The following CFAP61 variants were observed in gnomAD, a reference collection of about 807,000 sequenced individuals.
CFAP61 encodes the protein cilia and flagella associated protein 61, also known as cilia- and flagella-associated protein 61.
CFAP61 carries 107 observed loss-of-function variants against 135.6 expected under a neutral mutation model. The ratio of observed to expected loss-of-function variants is 0.79; its 90% CI spans 0.67 to 0.93. CFAP61 has a LOEUF of 0.93. Ranked by LOEUF, CFAP61 falls within the 40% of genes least tolerant of loss-of-function variation. The pLI is 0.00. For synonymous variants in CFAP61, 575 were observed against 578.5 expected, an observed-to-expected ratio of 0.99 and a Z score of 0.09; for missense variants, 1,507 against 1,556.2, an observed-to-expected ratio of 0.97 and a Z score of 0.53.
intron 8 of CFAP61, among the ~76,000 whole-genome samples, chr20:20,116,442 C>T (rs186840537): frequency 2.0e-4 from 30 of 152,212 alleles, no homozygotes; most frequent in Non-Finnish European, 2.9e-4. Context: ...GACGTAATGC[C>T]GCTTTTGTCT....
rs570676373 is a variant in CFAP61 at position 20,092,647 on chromosome 20, C to G, written c.699+1671C>G. On this transcript the variant is annotated intron_variant, in intron 7 of 26. Transcript: ENST00000245957. Reference sequence around the variant, plus strand: ...CTCTCACAACAATAGAAAAATAATCCACATAAAATGTGGGCAAATGATTCG... The same window carrying G: ...CTCTCACAACAATAGAAAAATAATCGACATAAAATGTGGGCAAATGATTCG... Among the ~76,000 whole-genome samples the G allele has an allele frequency of 4.7e-3, 705 of 151,428 alleles. 4 individuals are homozygous for G. The highest frequency in any genetic ancestry group is 0.016 in the African/African-American group (675 of 41,214).
intron 26 of CFAP61, among the ~76,000 whole-genome samples, 164 bp downstream of exon 26, chr20:20,342,085 G>A (rs886954470): frequency 6.6e-6 from 1 of 152,192 alleles, no homozygotes; most frequent in Non-Finnish European, 1.5e-5. Context: ...TGCAGACTGT[G>A]TTATTTCAGG....
chr20:20,288,719 C>G lies in CFAP61; in HGVS notation c.2907C>G (p.Thr969=). ...SRLVIDTNFH[T]NDIAIRAAGS... is the part of the protein sequence containing the mutation. Reference sequence around the variant, plus strand: ...TTGTGATTGATACCAACTTCCACACCAACGACATAGCCATCAGAGCTGCTG... The same window carrying G: ...TTGTGATTGATACCAACTTCCACACGAACGACATAGCCATCAGAGCTGCTG... Residue 969 remains threonine, a synonymous_variant, in exon 23 of 27, where the codon ACC becomes ACG. Coordinates refer to ENST00000245957, the MANE Select transcript of CFAP61 (RefSeq NM_015585.4). The G allele has an allele frequency of 3.7e-6, 6 of 1,614,070 alleles. No individual in the cohort carries two copies. Among genetic ancestry groups the G allele is most frequent in the Non-Finnish European group, 5.1e-6 (6 of 1,179,942 alleles).
rs1214170582 is a variant in CFAP61 at position 20,052,769 on chromosome 20, G to A, written c.-37+178G>A. The stretch of plus-strand genomic sequence containing the variant: ...GCTCCAATCTGGATGCTCGAGGGCG[G>A]GGGAAGAAGGGAGAGCGAGGAAACT... On this transcript the variant is annotated intron_variant, in intron 1 of 26. Coordinates refer to ENST00000245957, the MANE Select transcript of CFAP61 (RefSeq NM_015585.4). The A allele has an allele frequency of 2.0e-6, 3 of 1,532,776 alleles. No homozygotes were observed. In the East Asian group the frequency reaches 7.0e-5, roughly 36 times the overall value. The allele number at this position is 1,532,776 out of a possible 1,614,324, so 94.9% of individuals were successfully genotyped here.
intron 13 of CFAP61, among the ~76,000 whole-genome samples, chr20:20,172,616 C>T (rs2054305980): frequency 6.6e-6 from 1 of 152,140 alleles, no homozygotes; most frequent in South Asian, 2.1e-4. Context: ...CCACACCTGG[C>T]CAATAAACTT....
intron 25 of CFAP61, among the ~76,000 whole-genome samples, chr20:20,300,696 C>G (rs917996599): frequency 1.3e-5 from 2 of 151,520 alleles, no homozygotes; most frequent in Non-Finnish European, 2.9e-5. Context: ...CCTCTGCCTC[C>G]CTGGGTTCAA....
At chr20:20,152,231 C>G (rs189976925) in intron 9 of CFAP61, among the ~76,000 whole-genome samples, 3 of 151,522 alleles carry the variant, frequency 2.0e-5, no homozygotes, top group East Asian at 1.9e-4. Flanking sequence ...AATCTTGAAA[C>G]AAAACTTCAA....
chr20:20,216,236 C>T (rs1001673584), intron 17 of CFAP61, among the ~76,000 whole-genome samples: 2 of 152,170 alleles, frequency 1.3e-5, no homozygotes, highest in African/African-American at 2.4e-5. Flanking sequence ...GTCATTAACA[C>T]GAACACTGGG....
chr20:20,238,343 ATATC>A (rs1208474713), intron 18 of CFAP61, among the ~76,000 whole-genome samples: 1 of 152,242 alleles, frequency 6.6e-6, no homozygotes, highest in East Asian at 1.9e-4. Context: ...GATAGGTTAA[ATATC>A]TATCACGAGC....
intron 25 of CFAP61, among the ~76,000 whole-genome samples, chr20:20,336,139 G>A (rs1234690933): frequency 6.6e-6 from 1 of 152,132 alleles, no homozygotes; most frequent in East Asian, 1.9e-4. Context: ...TAATAGAACA[G>A]GATGCCTCCC....
chr20:20,327,867 T>A (rs2057823700), intron 25 of CFAP61, among the ~76,000 whole-genome samples: 1 of 149,910 alleles, frequency 6.7e-6, no homozygotes, highest in Non-Finnish European at 1.5e-5. Context: ...CTTGCAAATC[T>A]TTCTTCCCAG....
rs113222800 is a variant in CFAP61 at position 20,110,231 on chromosome 20, G to A, written c.859+11417G>A. ...TTGCTCTACCAACTTAGGTCCAAGC[G>A]GGTGGGGGCCTGCAAATTGACCAAC... On this transcript the variant is annotated intron_variant, in intron 8 of 26. Coordinates refer to ENST00000245957, the MANE Select transcript of CFAP61 (RefSeq NM_015585.4). 4.9e-3 allele frequency among the ~76,000 whole-genome samples: 750 copies of A among 152,080 alleles called. 4 individuals carry two copies. Among genetic ancestry groups the A allele is most frequent in the African/African-American group, 0.017 (716 of 41,506 alleles).
chr20:20,251,021 G>A (rs755375806), intron 19 of CFAP61, among the ~76,000 whole-genome samples: 18 of 152,310 alleles, frequency 1.2e-4, no homozygotes, highest in Non-Finnish European at 2.4e-4. Flanking sequence ...TACTTGCTGC[G>A]AACCTAACTC....
chr20:20,345,643 G>T (rs983969863), intron 26 of CFAP61, among the ~76,000 whole-genome samples: 1 of 152,024 alleles, frequency 6.6e-6, no homozygotes, highest in South Asian at 2.1e-4. Flanking sequence ...AACATGGGCC[G>T]GGTGCAGTGG....
chr20:20,191,120 A>C (rs1278228867), intron 14 of CFAP61, among the ~76,000 whole-genome samples: 1 of 151,868 alleles, frequency 6.6e-6, no homozygotes, highest in Non-Finnish European at 1.5e-5. Flanking sequence ...TCTCAAAAAA[A>C]ATAATAATAA....
chr20:20,169,241 C>T, intron 12 of CFAP61, 80 bp from the exon 13 acceptor site: 2 of 1,361,508 alleles, frequency 1.5e-6, no homozygotes, highest in Non-Finnish European at 1.0e-6. Context: ...TTCTATTTTT[C>T]TTGGTGTTTT....
intron 9 of CFAP61, among the ~76,000 whole-genome samples, chr20:20,149,683 T>C (rs968292706): frequency 2.0e-5 from 3 of 152,204 alleles, no homozygotes; most frequent in Non-Finnish European, 4.4e-5. Flanking sequence ...AGGAAGAACC[T>C]TCTAGGCACT....
intron 19 of CFAP61, among the ~76,000 whole-genome samples, chr20:20,249,495 T>C (rs767165049): frequency 2.8e-4 from 42 of 152,202 alleles, no homozygotes; most frequent in Non-Finnish European, 4.9e-4. Context: ...GCCATGATTG[T>C]ACCACTGTGC....
chr20:20,237,071 T>C (rs554880109), intron 18 of CFAP61, among the ~76,000 whole-genome samples: 1 of 152,372 alleles, frequency 6.6e-6, no homozygotes, highest in East Asian at 1.9e-4. Context: ...ATCTTTTCAA[T>C]TGACATTTCA....
Sources: gnomAD v4.1 joint callset for allele counts (sites outside exome capture counted in the v4.1 genomes callset) on GRCh38, gnomAD v4.1.1 for gene constraint, MANE v1.5 for transcripts, NCBI Gene and HGNC (gene_info 2026-07-23, HGNC 2026-07-21) for gene names.